SDHAF3: variants seen among roughly 807,000 people sequenced by gnomAD.
SDHAF3 encodes the protein succinate dehydrogenase complex assembly factor 3.
A neutral mutation model predicts 11.5 loss-of-function variants in SDHAF3; 18 were observed. The observed-to-expected ratio is 1.56, with a 90% CI of 1.08 to 2.32. SDHAF3 has a LOEUF of 2.32. Ranked by LOEUF, SDHAF3 falls within the 30% of genes most tolerant of loss-of-function variation. The pLI is 0.00. For missense variants in SDHAF3, 200 were observed against 154.4 expected (o/e 1.30, Z -1.57); for synonymous variants, 72 against 59.3 (o/e 1.21, Z -0.99).
At chr7:97,119,924 G>A (rs1791466186) in intron 1 of SDHAF3, among the ~76,000 whole-genome samples, 1 of 152,070 alleles carries the variant, frequency 6.6e-6, no homozygotes, top group African/African-American at 2.4e-5. Flanking sequence ...AATGTCAGAG[G>A]GCACATGATA....
chr7:97,165,276 G>A (rs1789483652), intron 1 of SDHAF3, among the ~76,000 whole-genome samples: 1 of 150,322 alleles, frequency 6.7e-6, no homozygotes, highest in African/African-American at 2.4e-5. Flanking sequence ...AACAGAGCAA[G>A]ACTCCGTCTC....
chr7:97,155,309 G>A (rs1367008572), intron 1 of SDHAF3, among the ~76,000 whole-genome samples: 1 of 152,156 alleles, frequency 6.6e-6, no homozygotes, highest in African/African-American at 2.4e-5. Context: ...CAGTAATAAT[G>A]TTTCAAGTGC....
chr7:97,136,617 T>C (rs928999786), intron 1 of SDHAF3: 8 of 395,504 alleles, frequency 2.0e-5, no homozygotes, highest in African/African-American at 1.6e-4. Flanking sequence ...TTTTCTTAAA[T>C]AGTAATGGGT....
chr7:97,135,103 T>G (rs2115647288), intron 1 of SDHAF3: 1 of 152,128 alleles, frequency 6.6e-6, no homozygotes, highest in Non-Finnish European at 1.5e-5. Flanking sequence ...AGCTTTCTCC[T>G]TTGCACTGTC....
intron 1 of SDHAF3, among the ~76,000 whole-genome samples, chr7:97,132,976 A>T (rs1791693169): frequency 6.6e-6 from 1 of 152,154 alleles, no homozygotes; most frequent in Non-Finnish European, 1.5e-5. Flanking sequence ...AAGAATACTG[A>T]TTTATTTTTT....
rs770044794 is a variant in SDHAF3, at chr7:97,163,515, T to A, written c.175-17497T>A. Among the ~76,000 whole-genome samples, 61 of 152,308 alleles carry A rather than the reference T, an allele frequency of 4.0e-4. 1 individual carries two copies. The highest frequency in any genetic ancestry group is 6.5e-4 in the Admixed American group (10 of 15,306). On this transcript the variant is annotated intron_variant, in intron 1 of 1. Coordinates refer to ENST00000432641, the MANE Select transcript of SDHAF3 (RefSeq NM_020186.3). ...TTTCCATTTCCTTGGTAAATATTCTTCCATCCCTTTATTTTGAGCTTATGT... is the reference window on the plus strand; with the variant it reads ...TTTCCATTTCCTTGGTAAATATTCTACCATCCCTTTATTTTGAGCTTATGT...
intron 1 of SDHAF3, among the ~76,000 whole-genome samples, chr7:97,148,574 T>G (rs995860924): frequency 6.6e-6 from 1 of 152,218 alleles, no homozygotes; most frequent in Non-Finnish European, 1.5e-5. Context: ...CCAGTAGTTT[T>G]ACTTTGACTC....
At chr7:97,134,817 C>G (rs1168126353) in intron 1 of SDHAF3, among the ~76,000 whole-genome samples, 2 of 152,168 alleles carry the variant, frequency 1.3e-5, no homozygotes, top group Non-Finnish European at 2.9e-5. Context: ...GTGCTCATAA[C>G]ACCCCTGACT....
intron 1 of SDHAF3, among the ~76,000 whole-genome samples, chr7:97,175,415 T>C (rs1184840148): frequency 6.6e-6 from 1 of 152,158 alleles, no homozygotes; most frequent in Admixed American, 6.5e-5. Context: ...CTGTTCCTTC[T>C]TCCACCCTTA....
At chr7:97,136,964 T>G (rs1490519190) in intron 1 of SDHAF3, among the ~76,000 whole-genome samples, 4 of 152,168 alleles carry the variant, frequency 2.6e-5, no homozygotes, top group African/African-American at 9.7e-5. Context: ...AAAATGTGAT[T>G]CCTATTGTGT....
intron 1 of SDHAF3, among the ~76,000 whole-genome samples, chr7:97,147,854 T>C (rs1337676270): frequency 6.6e-6 from 1 of 152,194 alleles, no homozygotes; most frequent in Non-Finnish European, 1.5e-5. Context: ...CACCAAAATG[T>C]GTTATCACTG....
At chr7:97,149,853 C>T (rs1459888477) in intron 1 of SDHAF3, among the ~76,000 whole-genome samples, 1 of 152,184 alleles carries the variant, frequency 6.6e-6, no homozygotes, top group Non-Finnish European at 1.5e-5. Flanking sequence ...CTGTAGCATG[C>T]AATGCTGTTT....
At chr7:97,178,960 A>C (rs1259486796) in intron 1 of SDHAF3, among the ~76,000 whole-genome samples, 1 of 152,134 alleles carries the variant, frequency 6.6e-6, no homozygotes, top group Non-Finnish European at 1.5e-5. Context: ...TAGGATTCTC[A>C]TGATTTTAGC....
chr7:97,141,876 ACTTAT>A (rs1216629138), intron 1 of SDHAF3, among the ~76,000 whole-genome samples: 1 of 152,084 alleles, frequency 6.6e-6, no homozygotes, highest in Non-Finnish European at 1.5e-5. Flanking sequence ...ACAATGTTCT[ACTTAT>A]CTTTGTAAAA....
chr7:97,168,276 T>A (rs1789545110), intron 1 of SDHAF3, among the ~76,000 whole-genome samples: 2 of 152,208 alleles, frequency 1.3e-5, no homozygotes, highest in South Asian at 4.1e-4. Flanking sequence ...ACAGTGATAT[T>A]ATCCCCAGGA....
At chr7:97,169,310 A>G (rs2115735481) in intron 1 of SDHAF3, among the ~76,000 whole-genome samples, 1 of 151,994 alleles carries the variant, frequency 6.6e-6, no homozygotes, top group South Asian at 2.1e-4. Flanking sequence ...AACTGTCTCA[A>G]AAAAAAAGTA....
At chr7:97,140,343 A>T (rs866106754) in intron 1 of SDHAF3, among the ~76,000 whole-genome samples, 23 of 112,440 alleles carry the variant, frequency 2.0e-4, no homozygotes, top group South Asian at 2.9e-4. Context: ...TTTTGGTAGT[A>T]TTTTTTTTTT....
At chr7:97,148,950 A>AACAGGATCTCACTCTGTCTC (rs1789176349) in intron 1 of SDHAF3, among the ~76,000 whole-genome samples, 2 of 150,470 alleles carry the variant, frequency 1.3e-5, no homozygotes, top group Admixed American at 1.3e-4. Context: ...TTTTTTCTGA[A>AACAGGATCTCACTCTGTCTC]ACAGGATCTC....
intron 1 of SDHAF3, among the ~76,000 whole-genome samples, chr7:97,124,846 C>G (rs1303158099): frequency 6.6e-6 from 1 of 152,138 alleles, no homozygotes; most frequent in Non-Finnish European, 1.5e-5. Context: ...ACATTGATTT[C>G]ATATCCTGAG....
Sources: allele counts gnomAD v4.1 joint callset (sites outside exome capture counted in the v4.1 genomes callset), GRCh38; gene constraint gnomAD v4.1.1; transcripts MANE v1.5; gene names NCBI Gene and HGNC (gene_info 2026-07-23, HGNC 2026-07-21).